IRAK1BP1: variants seen among roughly 807,000 people sequenced by gnomAD.
IRAK1BP1 encodes the protein interleukin-1 receptor-associated kinase 1-binding protein 1.
A neutral mutation model predicts 28.0 loss-of-function variants in IRAK1BP1; 24 were observed. The observed-to-expected ratio is 0.86, with a 90% confidence interval of 0.62 to 1.20. The LOEUF (loss-of-function observed/expected upper bound fraction) is 1.20. Ranked by LOEUF, IRAK1BP1 falls within the 50% of genes most tolerant of loss-of-function variation. The probability of loss-of-function intolerance (pLI) is 0.00; values close to 1 mark genes in which losing one functional copy is unlikely to be tolerated. For synonymous variants in IRAK1BP1, 131 were observed against 116.3 expected, an observed-to-expected ratio of 1.13 and a Z score of -0.81; for missense variants, 336 against 316.7, an observed-to-expected ratio of 1.06 and a Z score of -0.46.
the IRAK1BP1 span, chr6:78,955,139 TC>T: frequency 1.5e-5 from 14 of 926,306 alleles, no homozygotes; most frequent in South Asian, 2.4e-4. Flanking sequence ...ATACTTAATG[TC>T]TTTTAAAATG....
At chr6:78,895,816 C>T (rs559683383) in intron 2 of IRAK1BP1, among the ~76,000 whole-genome samples, 1 of 152,076 alleles carries the variant, frequency 6.6e-6, no homozygotes, top group Non-Finnish European at 1.5e-5. Context: ...TTTGTGCCTA[C>T]GATCAGGTAC....
At chr6:78,963,639 A>G in the IRAK1BP1 span, among the ~76,000 whole-genome samples, 1 of 152,192 alleles carries the variant, frequency 6.6e-6, no homozygotes, top group Non-Finnish European at 1.5e-5. Context: ...TTCTAGAAAT[A>G]CTTCAATCAA....
At chr6:78,869,780 A>T (rs865775919) in intron 1 of IRAK1BP1, among the ~76,000 whole-genome samples, 17 of 152,122 alleles carry the variant, frequency 1.1e-4, no homozygotes, top group Admixed American at 2.0e-4. Context: ...TCCCTGCTTA[A>T]AGGGCTCCTC....
intron 4 of IRAK1BP1, among the ~76,000 whole-genome samples, chr6:78,918,552 T>C (rs1247075369): frequency 4.4e-5 from 1 of 22,832 alleles, no homozygotes; most frequent in Non-Finnish European, 8.3e-5. Flanking sequence ...TTATATCAGA[T>C]AAAACAGACT....
chr6:78,961,654 T>C, the IRAK1BP1 span: 2 of 1,602,352 alleles, frequency 1.2e-6, no homozygotes, highest in Non-Finnish European at 8.5e-7. Flanking sequence ...GATCACCAGC[T>C]TTCCTTTGAT....
rs377470955 is a variant in IRAK1BP1 at position 78,898,198 on chromosome 6, A to G, written c.647A>G (p.Asp216Gly). Residue 216 changes from aspartate (D) to glycine (G), a missense_variant, in exon 4 of 4, where the codon GAT becomes GGT. Asp to Gly is a moderately conservative substitution (Grantham distance 94). Transcript: ENST00000369940. The stretch of plus-strand genomic sequence containing the variant: ...ACAAAAGAATGGGAAGGCCAAATAG[A>G]TGATCACCAGTCATCCAGACTCTCA... ...EETKEWEGQIDDHQSSRLSSS... is the reference protein window; with the variant it reads ...EETKEWEGQIGDHQSSRLSSS... 2 of 1,613,730 alleles carry G rather than the reference A, an allele frequency of 1.2e-6. No homozygotes were observed. Among genetic ancestry groups the G allele is most frequent in the African/African-American group, 2.7e-5 (2 of 74,844 alleles).
rs1772342046 is a variant in IRAK1BP1 at position 78,909,267 on chromosome 6, C to G, written c.*67+6157C>G. Among the ~76,000 whole-genome samples, 3 of 152,166 alleles carry G rather than the reference C, an allele frequency of 2.0e-5. No homozygotes were observed. The South Asian group carries it at 6.2e-4, about 32-fold the overall frequency. On this transcript the variant is annotated intron_variant and NMD_transcript_variant, in intron 4 of 4. Coordinates refer to the IRAK1BP1 transcript ENST00000606868. Reference sequence around the variant, plus strand: ...CAAGCCCATTATAAGTTGAAAATATCCTAAGTCAAAAACACACTTCTGACT... The same window carrying G: ...CAAGCCCATTATAAGTTGAAAATATGCTAAGTCAAAAACACACTTCTGACT...
At chr6:78,874,074 C>G (rs976186949) in intron 1 of IRAK1BP1, among the ~76,000 whole-genome samples, 1 of 152,168 alleles carries the variant, frequency 6.6e-6, no homozygotes, top group African/African-American at 2.4e-5. Context: ...ACTAAAATGG[C>G]TGCAACATTC....
chr6:78,939,232 A>G (rs1182831943), intron 4 of IRAK1BP1: 1 of 151,794 alleles, frequency 6.6e-6, no homozygotes, highest in Non-Finnish European at 1.5e-5. Flanking sequence ...CCTAAGTCAT[A>G]TAGTTATCAT....
At chr6:78,878,086 AG>A in intron 1 of IRAK1BP1, among the ~76,000 whole-genome samples, 1 of 152,174 alleles carries the variant, frequency 6.6e-6, no homozygotes, top group Non-Finnish European at 1.5e-5. Context: ...GCTGAACAAA[AG>A]GCAGCAGAAA....
At chr6:78,916,125 T>C (rs927479349) in intron 4 of IRAK1BP1, among the ~76,000 whole-genome samples, 1 of 152,126 alleles carries the variant, frequency 6.6e-6, no homozygotes, top group African/African-American at 2.4e-5. Context: ...TTTCCATTGG[T>C]TATTTTGTGT....
intron 4 of IRAK1BP1, among the ~76,000 whole-genome samples, chr6:78,944,238 C>T (rs1773678782): frequency 6.6e-6 from 1 of 152,016 alleles, no homozygotes; most frequent in African/African-American, 2.4e-5. Flanking sequence ...AGGCAAGAGC[C>T]AAGTAATAAA....
the IRAK1BP1 span, among the ~76,000 whole-genome samples, chr6:78,952,292 G>A: frequency 4.6e-5 from 7 of 151,622 alleles, no homozygotes; most frequent in African/African-American, 1.7e-4. Context: ...GGTGGCATGC[G>A]CCTATAATCC....
chr6:78,920,976 C>T (rs930328495), intron 4 of IRAK1BP1, among the ~76,000 whole-genome samples: 3 of 152,166 alleles, frequency 2.0e-5, no homozygotes, highest in Non-Finnish European at 4.4e-5. Flanking sequence ...GGAACAGCTC[C>T]GGTCTACAGC....
chr6:78,940,225 CTG>C (rs1773418258), intron 4 of IRAK1BP1: 2 of 152,062 alleles, frequency 1.3e-5, no homozygotes, highest in East Asian at 3.9e-4. Context: ...CACTGCTACT[CTG>C]TATAACATCT....
chr6:78,910,400 A>G (rs1245618080), intron 4 of IRAK1BP1, among the ~76,000 whole-genome samples: 2 of 152,284 alleles, frequency 1.3e-5, no homozygotes, highest in Non-Finnish European at 2.9e-5. Flanking sequence ...TACAAATCCA[A>G]GAATTTAGCT....
intron 1 of IRAK1BP1, among the ~76,000 whole-genome samples, chr6:78,869,764 A>G (rs1770724616): frequency 6.6e-6 from 1 of 152,180 alleles, no homozygotes; most frequent in Non-Finnish European, 1.5e-5. Context: ...ATTTATAAAC[A>G]TCACTTCCCT....
At chr6:78,958,369 T>G in the IRAK1BP1 span, 19 of 742,704 alleles carry the variant, frequency 2.6e-5, no homozygotes, top group Admixed American at 1.0e-4. Context: ...TTTTGGCTAC[T>G]CTTAAATGTT....
intron 4 of IRAK1BP1, among the ~76,000 whole-genome samples, chr6:78,917,836 G>C (rs1273455665): frequency 2.0e-5 from 3 of 152,232 alleles, no homozygotes; most frequent in African/African-American, 7.2e-5. Flanking sequence ...CTTCATAAGT[G>C]AAGGAGAAAT....
Sources: allele counts gnomAD v4.1 joint callset (sites outside exome capture counted in the v4.1 genomes callset), GRCh38; gene constraint gnomAD v4.1.1; transcripts MANE v1.5; gene names NCBI Gene and HGNC (gene_info 2026-07-23, HGNC 2026-07-21).